Variants in NOL4 observed in about 807,000 individuals in gnomAD.
NOL4 encodes cancer/testis antigen 125.
A neutral mutation model predicts 75.9 loss-of-function variants in NOL4; 17 were observed. That is an observed-to-expected ratio of 0.22 (90% CI 0.15 to 0.34). NOL4 has a LOEUF of 0.34. NOL4 is among the 10% of genes least tolerant of loss of function. The probability of loss-of-function intolerance (pLI) is 1.00; values close to 1 mark genes in which losing one functional copy is unlikely to be tolerated. For missense variants in NOL4, 614 were observed against 793.5 expected (o/e 0.77, Z 2.72); for synonymous variants, 292 against 289.9 (o/e 1.01, Z -0.07).
intron 6 of NOL4, among the ~76,000 whole-genome samples, chr18:33,988,374 G>A (rs562002160): frequency 1.3e-5 from 2 of 152,150 alleles, no homozygotes; most frequent in African/African-American, 4.8e-5. Context: ...TGCTAGAAGT[G>A]TGAAATGTTC....
At chr18:34,182,704 A>G (rs1160129922) in intron 1 of NOL4, among the ~76,000 whole-genome samples, 1 of 151,686 alleles carries the variant, frequency 6.6e-6, no homozygotes, top group Non-Finnish European at 1.5e-5. Flanking sequence ...GGGTAGTGAG[A>G]ATAAGGATTT....
chr18:34,181,720 GA>G (rs58348543), intron 1 of NOL4, among the ~76,000 whole-genome samples: 13,449 of 149,786 alleles, frequency 0.09, 1,209 homozygotes, highest in African/African-American at 0.23. Flanking sequence ...GCTTAACACT[GA>G]AAAAAAAATT....
At chr18:33,875,812 G>A (rs190458377) in intron 10 of NOL4, among the ~76,000 whole-genome samples, 2 of 151,976 alleles carry the variant, frequency 1.3e-5, no homozygotes, top group East Asian at 3.9e-4. Context: ...TTACTTAGAG[G>A]GATATAACAG....
At chr18:34,122,501 C>A (rs572412663) in intron 2 of NOL4, among the ~76,000 whole-genome samples, 6 of 152,052 alleles carry the variant, frequency 3.9e-5, no homozygotes, top group African/African-American at 9.7e-5. Context: ...AAGAAAAAAA[C>A]CATCTTTCTA....
At chr18:33,941,253 A>C (rs936119859) in intron 9 of NOL4, among the ~76,000 whole-genome samples, 4 of 152,002 alleles carry the variant, frequency 2.6e-5, no homozygotes, top group Admixed American at 6.6e-5. Flanking sequence ...GCTGATGACC[A>C]GCTTTGGGGA....
At chr18:34,110,329 A>C (rs2079531028) in intron 2 of NOL4, among the ~76,000 whole-genome samples, 1 of 152,108 alleles carries the variant, frequency 6.6e-6, no homozygotes. Flanking sequence ...TAAAAGGATT[A>C]TACCCTATAG....
At chr18:34,109,141 G>T (rs2079461857) in intron 2 of NOL4, among the ~76,000 whole-genome samples, 1 of 151,946 alleles carries the variant, frequency 6.6e-6, no homozygotes, top group Non-Finnish European at 1.5e-5. Flanking sequence ...AACAAACTGG[G>T]AACACAACAT....
chr18:34,037,797 T>C (rs1396198865), intron 5 of NOL4, among the ~76,000 whole-genome samples: 1 of 152,000 alleles, frequency 6.6e-6, no homozygotes, highest in Admixed American at 6.6e-5. Flanking sequence ...CCCAAAATTA[T>C]AAAACCACTG....
At chr18:34,202,863 C>T (rs900307545) in intron 1 of NOL4, among the ~76,000 whole-genome samples, 2 of 151,918 alleles carry the variant, frequency 1.3e-5, no homozygotes, top group Non-Finnish European at 2.9e-5. Context: ...TAAAATGGTA[C>T]AGACACTCTG....
intron 4 of NOL4, among the ~76,000 whole-genome samples, chr18:34,103,833 C>T (rs2079147925): frequency 6.6e-6 from 1 of 151,930 alleles, no homozygotes; most frequent in South Asian, 2.1e-4. Flanking sequence ...AACAAATTCC[C>T]ACATAACACT....
intron 1 of NOL4, among the ~76,000 whole-genome samples, chr18:34,138,873 G>A (rs2081016031): frequency 1.3e-5 from 2 of 152,120 alleles, no homozygotes; most frequent in African/African-American, 2.4e-5. Context: ...TTTATTGAGA[G>A]TTTTTAGCAT....
chr18:34,047,972 C>G (rs933210181), intron 5 of NOL4, among the ~76,000 whole-genome samples: 1 of 152,112 alleles, frequency 6.6e-6, no homozygotes, highest in Non-Finnish European at 1.5e-5. Context: ...AAAAACCACA[C>G]CACTTGCATA....
At chr18:33,930,363 T>C (rs929617786) in intron 9 of NOL4, among the ~76,000 whole-genome samples, 2 of 152,160 alleles carry the variant, frequency 1.3e-5, no homozygotes, top group Non-Finnish European at 2.9e-5. Context: ...ATGGTAAGTT[T>C]TCAGAAGTGA....
At chr18:34,183,535 T>A (rs1014159922) in intron 1 of NOL4, 2 of 151,984 alleles carry the variant, frequency 1.3e-5, no homozygotes, top group Non-Finnish European at 2.9e-5. Context: ...TAAAAACTTG[T>A]ATGCAATTGT....
chr18:34,117,836 T>C (rs1303538935), intron 2 of NOL4, among the ~76,000 whole-genome samples: 1 of 152,180 alleles, frequency 6.6e-6, no homozygotes, highest in African/African-American at 2.4e-5. Context: ...TGGTCTAAGA[T>C]TTGAAGCTAA....
At chr18:34,139,205 G>A (rs1229432456) in intron 1 of NOL4, among the ~76,000 whole-genome samples, 1 of 152,182 alleles carries the variant, frequency 6.6e-6, no homozygotes. Context: ...ATGAGTTAGG[G>A]AGGATTCCCT....
intron 9 of NOL4, among the ~76,000 whole-genome samples, chr18:33,921,100 C>T (rs1599872460): frequency 6.6e-6 from 1 of 152,156 alleles, no homozygotes; most frequent in Non-Finnish European, 1.5e-5. Flanking sequence ...AAATGTCCAT[C>T]CTATGTCTGT....
chr18:33,893,205 C>T (rs2065201931), intron 9 of NOL4, among the ~76,000 whole-genome samples: 1 of 152,022 alleles, frequency 6.6e-6, no homozygotes, highest in Non-Finnish European at 1.5e-5. Context: ...ATATGCATTT[C>T]ATATATCCAA....
At chr18:33,917,734 G>A (rs113232916) in intron 9 of NOL4, among the ~76,000 whole-genome samples, 1 of 151,952 alleles carries the variant, frequency 6.6e-6, no homozygotes, top group Non-Finnish European at 1.5e-5. Context: ...AAACTCCTAG[G>A]TTTCTGCAAT....
Sources: gnomAD v4.1 joint callset for allele counts (sites outside exome capture counted in the v4.1 genomes callset) on GRCh38, gnomAD v4.1.1 for gene constraint, MANE v1.5 for transcripts, NCBI Gene and HGNC (gene_info 2026-07-23, HGNC 2026-07-21) for gene names.